Variants in EPM2A observed in about 807,000 individuals in gnomAD.
The protein encoded by EPM2A is EPM2A glucan phosphatase, laforin, also known as laforin.
EPM2A carries 21 observed loss-of-function variants against 26.5 expected under a neutral mutation model. The ratio of observed to expected loss-of-function variants is 0.79; its 90% confidence interval spans 0.56 to 1.14. The LOEUF (loss-of-function observed/expected upper bound fraction) is 1.14, where lower values mean the gene tolerates loss of function less well. Among genes scored for constraint, EPM2A ranks in the 50% most tolerant of loss-of-function variants. The pLI is 0.00. For synonymous variants in EPM2A, 217 were observed against 177.6 expected (o/e 1.22, Z -1.76); for missense variants, 458 against 440.8 (o/e 1.04, Z -0.35).
intron 4 of EPM2A, among the ~76,000 whole-genome samples, chr6:145,472,647 G>T (rs1388684140): frequency 1.3e-5 from 2 of 152,150 alleles, no homozygotes; most frequent in South Asian, 2.1e-4. Flanking sequence ...ATGGCCTAGG[G>T]TGGTGACGGC....
chr6:145,453,306 A>C (rs1250018996), intron 4 of EPM2A, among the ~76,000 whole-genome samples: 1 of 152,218 alleles, frequency 6.6e-6, no homozygotes, highest in African/African-American at 2.4e-5. Context: ...GGTTAAGAGA[A>C]TGGAGGTGGG....
chr6:145,516,254 ATGACT>A (rs1780124756), intron 2 of EPM2A, among the ~76,000 whole-genome samples: 2 of 152,218 alleles, frequency 1.3e-5, no homozygotes, highest in South Asian at 4.1e-4. Context: ...AAATCAGGTG[ATGACT>A]GCAATTGTAG....
chr6:145,682,118 CG>C (rs1780584031), intron 2 of EPM2A, among the ~76,000 whole-genome samples: 1 of 152,102 alleles, frequency 6.6e-6, no homozygotes, highest in Non-Finnish European at 1.5e-5. Context: ...CACAGTTCCA[CG>C]TGGCTCGGGA....
intron 4 of EPM2A, among the ~76,000 whole-genome samples, chr6:145,395,184 G>C (rs140259212): frequency 6.6e-6 from 1 of 152,076 alleles, no homozygotes; most frequent in Admixed American, 6.5e-5. Flanking sequence ...CAGAGCTTGC[G>C]TTTCCAACCT....
chr6:145,702,750 T>C (rs1781993834), intron 1 of EPM2A, among the ~76,000 whole-genome samples: 1 of 152,198 alleles, frequency 6.6e-6, no homozygotes, highest in African/African-American at 2.4e-5. Flanking sequence ...AAGACCATAA[T>C]AACAGTAACT....
intron 2 of EPM2A, among the ~76,000 whole-genome samples, chr6:145,591,329 C>T (rs1303054031): frequency 6.6e-6 from 1 of 152,090 alleles, no homozygotes; most frequent in Non-Finnish European, 1.5e-5. Context: ...TAATGACAGA[C>T]ATCAAATCAT....
chr6:145,696,816 TG>T (rs1411401709), intron 1 of EPM2A, among the ~76,000 whole-genome samples: 11 of 143,662 alleles, frequency 7.7e-5, no homozygotes, highest in Non-Finnish European at 1.5e-4. Flanking sequence ...TGTGTGTGTG[TG>T]TGTGTGTGTG....
chr6:145,460,891 A>T (rs1410388273), intron 4 of EPM2A, among the ~76,000 whole-genome samples: 1 of 151,930 alleles, frequency 6.6e-6, no homozygotes, highest in African/African-American at 2.4e-5. Flanking sequence ...CTTAAAAAAA[A>T]TCCTAAACTT....
chr6:145,675,810 T>G (rs1043650623), intron 2 of EPM2A, among the ~76,000 whole-genome samples: 1 of 152,108 alleles, frequency 6.6e-6, no homozygotes, highest in African/African-American at 2.4e-5. Context: ...TAAAGAGACT[T>G]AGACTCCCAA....
At chr6:145,577,847 C>G (rs1781056021) in intron 2 of EPM2A, among the ~76,000 whole-genome samples, 1 of 151,966 alleles carries the variant, frequency 6.6e-6, no homozygotes, top group Admixed American at 6.6e-5. Flanking sequence ...ATTATATCAA[C>G]TATCTTTTAT....
intron 4 of EPM2A, among the ~76,000 whole-genome samples, chr6:145,436,598 G>T (rs1437090214): frequency 6.6e-6 from 1 of 151,936 alleles, no homozygotes; most frequent in Non-Finnish European, 1.5e-5. Flanking sequence ...TATTAATGAT[G>T]TTGAGCTTTT....
chr6:145,512,531 G>A (rs768367340), intron 2 of EPM2A, among the ~76,000 whole-genome samples: 1 of 151,664 alleles, frequency 6.6e-6, no homozygotes, highest in African/African-American at 2.4e-5. Flanking sequence ...GGCCAAAATG[G>A]TGAAACCCTG....
In EPM2A at chr6:145,578,647, A is replaced by G. The variant is rs74632986; in HGVS notation, c.340+56598T>C. 2.9e-4 allele frequency among the ~76,000 whole-genome samples: 44 copies of G among 152,328 alleles called. No individual in the cohort carries two copies. In the East Asian group the frequency reaches 8.1e-3, roughly 28 times the overall value. Reference sequence around the variant, plus strand: ...CCAATCCTACCCAAACTATTCCAAAAAATTTAGCAGGAGGAGAAGTAAATA... The same window carrying G: ...CCAATCCTACCCAAACTATTCCAAAGAATTTAGCAGGAGGAGAAGTAAATA... On this transcript the variant is annotated intron_variant, in intron 2 of 3. Transcript: ENST00000450221.
rs544365607 is a variant in EPM2A, at chr6:145,385,242, G to A, written c.556-1145C>T. On this transcript the variant is annotated intron_variant, in intron 4 of 4. Transcript: ENST00000638717. ...CCTTTTTAAGGGAATTACAAAGGAT[G>A]AAGAGATCCTTGCCTTCAATAGTTT... Among the ~76,000 whole-genome samples the A allele has an allele frequency of 6.1e-4, 90 of 147,520 alleles. 12 individuals are homozygous for A. In the Middle Eastern group the frequency reaches 0.01, roughly 17 times the overall value.
chr6:145,492,529 C>T (rs1234898693), intron 4 of EPM2A, among the ~76,000 whole-genome samples: 1 of 152,212 alleles, frequency 6.6e-6, no homozygotes, highest in East Asian at 1.9e-4. Flanking sequence ...CCTTCATCCA[C>T]ACCTGTGGCA....
chr6:145,564,103 C>A (rs1262912218), intron 2 of EPM2A, among the ~76,000 whole-genome samples: 2 of 151,960 alleles, frequency 1.3e-5, no homozygotes, highest in Admixed American at 1.3e-4. Flanking sequence ...GCTCCATTGT[C>A]AAGAAAAGAA....
At chr6:145,439,027 T>C (rs1485579689) in intron 4 of EPM2A, among the ~76,000 whole-genome samples, 2 of 152,312 alleles carry the variant, frequency 1.3e-5, no homozygotes, top group South Asian at 2.1e-4. Context: ...TGTGTTCTCA[T>C]CATTTAGCTC....
chr6:145,601,763 G>A (rs1024166635), intron 2 of EPM2A, among the ~76,000 whole-genome samples: 4 of 152,114 alleles, frequency 2.6e-5, no homozygotes, highest in Non-Finnish European at 5.9e-5. Flanking sequence ...CCCAGCTTCC[G>A]TGCAAGTAGA....
chr6:145,595,121 C>A (rs1029848120), intron 2 of EPM2A, among the ~76,000 whole-genome samples: 1 of 151,460 alleles, frequency 6.6e-6, no homozygotes, highest in Non-Finnish European at 1.5e-5. Context: ...TTTTTTTAAT[C>A]ATTTGTTATC....
Sources: gnomAD v4.1 joint callset for allele counts (sites outside exome capture counted in the v4.1 genomes callset) on GRCh38, gnomAD v4.1.1 for gene constraint, MANE v1.5 for transcripts, NCBI Gene and HGNC (gene_info 2026-07-23, HGNC 2026-07-21) for gene names.